SRCAP: variants seen among roughly 807,000 people sequenced by gnomAD.
The protein encoded by SRCAP is Snf2 related CREBBP activator protein, also known as chromatin remodeling protein SRCAP.
SRCAP carries 46 observed loss-of-function variants against 263.1 expected under a neutral mutation model. The ratio of observed to expected loss-of-function variants is 0.17; its 90% CI spans 0.14 to 0.22. SRCAP has a LOEUF of 0.22. Among genes scored for constraint, SRCAP ranks in the 10% least tolerant of loss-of-function variants. The probability of loss-of-function intolerance (pLI) is 1.00; values close to 1 mark genes in which losing one functional copy is unlikely to be tolerated. For synonymous variants in SRCAP, 1,813 were observed against 1,662.1 expected (o/e 1.09, Z -2.21); for missense variants, 3,695 against 4,181.9 (o/e 0.88, Z 3.21).
intron 21 of SRCAP, 128 bp downstream of exon 21, chr16:30,721,604 G>A: frequency 7.8e-7 from 1 of 1,287,506 alleles, no homozygotes; most frequent in Non-Finnish European, 1.0e-6. Context: ...TGCTTTGGGA[G>A]GCCAAGGTGG....
rs1354277669 is a variant in SRCAP at position 30,733,954 on chromosome 16, G to T, written c.6555G>T (p.Met2185Ile). The change falls in exon 30 of 34, where the codon ATG becomes ATT. Residue 2185 changes from methionine to isoleucine, a missense_variant. Around this residue, in one of 12 missense-constraint regions of SRCAP, gnomAD observed 138 missense variants for 254.9 expected, o/e 0.54. Coordinates refer to ENST00000262518, the MANE Select transcript of SRCAP (RefSeq NM_006662.3). The surrounding 1 kb of genome is among the most constrained non-coding windows in gnomAD (Gnocchi z 5.3). ...TAAAAAAGGCAAATCAGAAGAGAAT[G>T]TTGGGGGACATGGCCATTGAGGGAG... ...NILKKANQKRMLGDMAIEGGN... is the reference protein window; with the variant it reads ...NILKKANQKRILGDMAIEGGN... 1 of 1,613,700 alleles carries T rather than the reference G, an allele frequency of 6.2e-7. No individual in the cohort carries two copies. The highest frequency in any genetic ancestry group is 8.5e-7 in the Non-Finnish European group (1 of 1,179,792).
intron 17 of SRCAP, 40 bp from the exon 18 acceptor site, chr16:30,716,253 G>A (rs774305029): frequency 9.9e-6 from 16 of 1,613,246 alleles, no homozygotes; most frequent in Non-Finnish European, 1.3e-5. Context: ...GAGTGTAGGT[G>A]GCTGTTAGGA....
At position 30,739,222 on chromosome 16, in the gene SRCAP, G is replaced by A. The variant is rs771914818; in HGVS notation, c.9182G>A (p.Arg3061His). 19 of 1,613,246 alleles carry A rather than the reference G, an allele frequency of 1.2e-5. No homozygotes were observed. Among genetic ancestry groups the A allele is most frequent in the African/African-American group, 2.7e-5 (2 of 74,934 alleles). Residue 3061 changes from arginine to histidine, a missense_variant, in exon 34 of 34, where the codon CGC becomes CAC. Arg to His is a conservative substitution (Grantham distance 29). Coordinates refer to ENST00000262518, the MANE Select transcript of SRCAP (RefSeq NM_006662.3). ...AGTTCCTCTGATGAGGATGGAAGCC[G>A]CCCCCTCACCCGCCTGGCCCGCCTT... ...EGSSSDEDGS[R>H]PLTRLARLRL...
intron 27 of SRCAP, 69 bp downstream of exon 27, chr16:30,729,641 G>C: frequency 6.4e-7 from 1 of 1,565,034 alleles, no homozygotes; most frequent in Non-Finnish European, 8.8e-7. Context: ...TGTTGTATCA[G>C]AGGGATGCTG....
chr16:30,734,211 TG>T, intron 30 of SRCAP: 1 of 621,344 alleles, frequency 1.6e-6, no homozygotes, highest in South Asian at 2.1e-5. Context: ...GGCATGGTGG[TG>T]GGCGCCTGTA....
Position 30,720,236 on chromosome 16 carries a change from G to A in SRCAP, c.2892G>A (p.Leu964=), listed in dbSNP as rs556745550. 1.2e-5 allele frequency: 20 copies of A among 1,614,046 alleles called. No homozygotes were observed. In the Admixed American group the frequency reaches 2.5e-4, roughly 20 times the overall value. The change falls in exon 19 of 34, where the codon CTG becomes CTA. Residue 964 remains leucine (L), a synonymous_variant. Transcript: ENST00000262518. ...CTCGATATGAGGCAGACACATTTCT[G>A]CCCCGGCACCGCCTCTCTCGCCGGG... ...RVSRYEADTF[L]PRHRLSRRVL...
Position 30,739,737 on chromosome 16 carries a change from G to A in SRCAP, c.*4G>A. The A allele has an allele frequency of 6.8e-7, 1 of 1,466,326 alleles. No homozygotes were observed. The highest frequency in any genetic ancestry group is 9.0e-7 in the Non-Finnish European group (1 of 1,107,676). The allele number at this position is 1,466,326 out of a possible 1,614,324, so 90.8% of individuals were successfully genotyped here. ...AGGCCGCAAGGCCAAGACGTGAGTG[G>A]GCTGCCCCTCCACCTAGGCTTTCCA... On this transcript the variant is annotated 3_prime_UTR_variant, in exon 34 of 34. Coordinates refer to ENST00000262518, the MANE Select transcript of SRCAP (RefSeq NM_006662.3).
rs1327297904 is a variant in SRCAP, at chr16:30,729,015, G to A, written c.5708G>A (p.Arg1903Gln). The A allele has an allele frequency of 1.2e-5, 20 of 1,614,098 alleles. No individual in the cohort carries two copies. The highest frequency in any genetic ancestry group is 5.5e-5 in the South Asian group (5 of 91,088). ...CGGCAGCGGTCTGAACGCCTGGAACGGATTTTCCAACTTAGTGAGGCTCAT... is the reference window on the plus strand; with the variant it reads ...CGGCAGCGGTCTGAACGCCTGGAACAGATTTTCCAACTTAGTGAGGCTCAT... ...RKRQRSERLE[R>Q]IFQLSEAHGA... is the part of the protein sequence containing the mutation. Residue 1903 changes from arginine (R) to glutamine (Q), a missense_variant, in exon 26 of 34, where the codon CGG becomes CAG. Transcript: ENST00000262518.
In SRCAP at chr16:30,699,203, A is replaced by G; in HGVS notation, c.-323A>G. 3 of 398,780 alleles carry G rather than the reference A, an allele frequency of 7.5e-6. No homozygotes were observed. The allele number at this position is 398,780 out of a possible 1,614,324, so 24.7% of individuals were successfully genotyped here. A position where few individuals can be genotyped will look rare whatever the true frequency, so the allele number is the denominator to read the frequency against. ...CGTCGGGAGGGCTAGGGAGATGGTC[A>G]CGAAACCTGAAGTCAAGAGTTAAGG... On this transcript the variant is annotated 5_prime_UTR_variant, in exon 1 of 34. Coordinates refer to ENST00000262518, the MANE Select transcript of SRCAP (RefSeq NM_006662.3).
rs1313793311 is a variant in SRCAP, at chr16:30,741,209, G to A, written c.*1476G>A. On this transcript the variant is annotated 3_prime_UTR_variant, in exon 34 of 34. Coordinates refer to ENST00000262518, the MANE Select transcript of SRCAP (RefSeq NM_006662.3). The stretch of plus-strand genomic sequence containing the variant: ...GATGTTTGGTTTTAGTGGTAATAAA[G>A]GGCTTACTTGGGTACATTTTCCTTA... 1 of 152,242 alleles carries A rather than the reference G, an allele frequency of 6.6e-6. No homozygotes were observed. The highest frequency in any genetic ancestry group is 2.4e-5 in the African/African-American group (1 of 41,408). The allele number at this position is 152,242 out of a possible 1,614,324, so 9.4% of individuals were successfully genotyped here.
Position 30,700,690 on chromosome 16 carries a change from C to T in SRCAP, c.-135C>T, listed in dbSNP as rs1351671957. The T allele has an allele frequency of 4.8e-5, 38 of 793,446 alleles. No homozygotes were observed. The highest frequency in any genetic ancestry group is 6.7e-5 in the Non-Finnish European group (34 of 510,542). 49.2% of individuals were successfully genotyped at this position (793,446 alleles called of 1,614,324 possible). ...GCCCCGGGCCCTGGAAGGCGGGTCC[C>T]GGTGGCCGGTGGCCCAGAATGAGGC... On this transcript the variant is annotated 5_prime_UTR_variant, in exon 3 of 34. Transcript: ENST00000262518.
chr16:30,724,858 T>G lies in SRCAP; in HGVS notation c.5434T>G (p.Ser1812Ala). The G allele has an allele frequency of 6.2e-7, 1 of 1,614,150 alleles. No individual in the cohort carries two copies. The highest frequency in any genetic ancestry group is 8.5e-7 in the Non-Finnish European group (1 of 1,179,982). Residue 1812 changes from serine to alanine, a missense_variant, in exon 25 of 34, where the codon TCC becomes GCC. Physicochemically the swap from Ser to Ala is moderately conservative, Grantham distance 99. Coordinates refer to ENST00000262518, the MANE Select transcript of SRCAP (RefSeq NM_006662.3). ...AAQTLALAPA[S>A]TQSPASQASS... ...TCAGACCTTGGCGCTGGCCCCAGCC[T>G]CCACACAGTCCCCAGCTTCCCAGGC...
Position 30,733,621 on chromosome 16 carries a change from A to G in SRCAP, c.6317A>G (p.Asn2106Ser), listed in dbSNP as rs760716026. ...TTCTAGGCCTTGATGGAACGGTTCA[A>G]TGCAGACAAACGCATATTCTGCTTC... Reference protein sequence around the residue: ...EQRQALMERFNADKRIFCFIL... With the variant: ...EQRQALMERFSADKRIFCFIL... Residue 2106 changes from asparagine to serine, a missense_variant, in exon 29 of 34, where the codon AAT becomes AGT. Transcript: ENST00000262518. This position sits in a 1 kb window ranked among gnomAD's most constrained non-coding sequence, Gnocchi z 5.3. 1.5e-5 allele frequency: 25 copies of G among 1,613,858 alleles called. No individual in the cohort carries two copies. The highest frequency in any genetic ancestry group is 1.8e-5 in the Non-Finnish European group (21 of 1,179,962).
In SRCAP at chr16:30,729,275, C is replaced by T. The variant is rs1041004243; in HGVS notation, c.5924+44C>T. 2.5e-6 allele frequency: 4 copies of T among 1,596,692 alleles called. No homozygotes were observed. In the African/African-American group the frequency reaches 5.4e-5, roughly 21 times the overall value. On this transcript the variant is annotated intron_variant, in intron 26 of 33. Transcript: ENST00000262518. ...TAATGGGGAGTGGGTCTTGGGGCCT[C>T]AGAGTGGATGTAGTGCTTAGGGCTG...
At position 30,724,929 on chromosome 16, in the gene SRCAP, C is replaced by T. The variant is rs776054362; in HGVS notation, c.5505C>T (p.Val1835=). 4 of 1,614,246 alleles carry T rather than the reference C, an allele frequency of 2.5e-6. No individual in the cohort carries two copies. The highest frequency in any genetic ancestry group is 1.3e-5 in the African/African-American group (1 of 75,060). ...CATCTGGTGCCGCTCCCTTGCCTGT[C>T]ACCATGGTATCCCGGCTGCCTGTTT... ...VSASGAAPLP[V]TMVSRLPVSK... The change falls in exon 25 of 34, where the codon GTC becomes GTT. Residue 1835 remains valine (V), a synonymous_variant. Coordinates refer to ENST00000262518, the MANE Select transcript of SRCAP (RefSeq NM_006662.3).
intron 24 of SRCAP, 135 bp from the exon 25 acceptor site, chr16:30,723,449 G>C: frequency 6.7e-7 from 1 of 1,485,254 alleles, no homozygotes; most frequent in East Asian, 2.3e-5. Context: ...CAGATTACTT[G>C]GATGTTTGAC....
Position 30,720,809 on chromosome 16 carries a change from A to T in SRCAP, c.3084A>T (p.Pro1028=), listed in dbSNP as rs757987933. The T allele has an allele frequency of 6.2e-7, 1 of 1,614,142 alleles. No homozygotes were observed. The highest frequency in any genetic ancestry group is 1.1e-5 in the South Asian group (1 of 91,084). The change falls in exon 20 of 34, where the codon CCA becomes CCT. Residue 1028 remains proline, a synonymous_variant. Coordinates refer to ENST00000262518, the MANE Select transcript of SRCAP (RefSeq NM_006662.3). The part of the protein sequence containing the change: ...PLGPVPVRPP[P]GPELSAQPTP... ...GCCCTGTCCCAGTTCGACCTCCTCC[A>T]GGTCCTGAGCTCTCAGCCCAGCCCA...
rs574491718 is a variant in SRCAP, at chr16:30,723,924, G to T, written c.4500G>T (p.Pro1500=). 6.2e-7 allele frequency: 1 copy of T among 1,614,026 alleles called. No homozygotes were observed. The highest frequency in any genetic ancestry group is 1.3e-5 in the African/African-American group (1 of 74,970). The change falls in exon 25 of 34, where the codon CCG becomes CCT. Residue 1500 remains proline, a synonymous_variant. Coordinates refer to ENST00000262518, the MANE Select transcript of SRCAP (RefSeq NM_006662.3). Reference sequence around the variant, plus strand: ...CCTTGGCACCATCTGGTGCTTCCCCGTCAGCATCAGCCTTGACTCTAGGTT... The same window carrying T: ...CCTTGGCACCATCTGGTGCTTCCCCTTCAGCATCAGCCTTGACTCTAGGTT... ...PPSLAPSGAS[P]SASALTLGLA... is the part of the protein sequence containing the mutation.
At chr16:30,713,066 T>A in intron 14 of SRCAP, 142 bp from the exon 15 acceptor site, 1 of 1,038,160 alleles carries the variant, frequency 9.6e-7, no homozygotes, top group South Asian at 1.6e-5. Flanking sequence ...AGGCCCCTCC[T>A]CTTTCTGTCG....
Sources: gnomAD v4.1 joint callset for allele counts on GRCh38, gnomAD v4.1.1 for gene constraint, gnomAD v4.1.1 regional missense constraint, Gnocchi (gnomAD v3.1) non-coding constraint, MANE v1.5 for transcripts, NCBI Gene and HGNC (gene_info 2026-07-23, HGNC 2026-07-21) for gene names.